Variants in PAN3 observed in about 807,000 individuals in gnomAD.
PAN3 encodes PAN2-PAN3 deadenylation complex subunit PAN3.
Under a neutral mutation model 96.2 loss-of-function variants are expected in PAN3, and 19 were observed. The observed-to-expected ratio is 0.20, with a 90% CI of 0.14 to 0.29. The LOEUF (loss-of-function observed/expected upper bound fraction) is 0.29. Among genes scored for constraint, PAN3 ranks in the 10% least tolerant of loss-of-function variants. The pLI is 1.00. For missense variants in PAN3, 882 were observed against 1,108.1 expected (o/e 0.80, Z 2.90); for synonymous variants, 433 against 406.6 (o/e 1.06, Z -0.78).
intron 1 of PAN3, among the ~76,000 whole-genome samples, chr13:28,170,634 C>T (rs1321913580): frequency 6.6e-6 from 1 of 151,994 alleles, no homozygotes; most frequent in African/African-American, 2.4e-5. Flanking sequence ...TTTGGAGTAA[C>T]CATTCTATTT....
At chr13:28,270,431 G>A (rs992521330) in intron 12 of PAN3, among the ~76,000 whole-genome samples, 1 of 152,120 alleles carries the variant, frequency 6.6e-6, no homozygotes, top group African/African-American at 2.4e-5. Flanking sequence ...CTTACTTTAA[G>A]TAATTTTTAT....
At chr13:28,237,696 T>C (rs1409289968) in intron 6 of PAN3, among the ~76,000 whole-genome samples, 1 of 152,214 alleles carries the variant, frequency 6.6e-6, no homozygotes, top group South Asian at 2.1e-4. Flanking sequence ...AGAATAATAA[T>C]TAACTTTGTA....
At chr13:28,260,393 G>A in intron 7 of PAN3, 54 bp from the exon 8 acceptor site, 1 of 1,399,160 alleles carries the variant, frequency 7.1e-7, no homozygotes, top group Non-Finnish European at 1.0e-6. Flanking sequence ...GACTCCATCT[G>A]AAAAAAAGAA....
At chr13:28,150,107 G>A (rs906819611) in intron 1 of PAN3, among the ~76,000 whole-genome samples, 2 of 152,038 alleles carry the variant, frequency 1.3e-5, no homozygotes, top group Admixed American at 1.3e-4. Flanking sequence ...TGAGAGATGA[G>A]ATCACGGTGA....
chr13:28,280,896 T>C (rs1254932975), intron 16 of PAN3, among the ~76,000 whole-genome samples: 1 of 152,198 alleles, frequency 6.6e-6, no homozygotes, highest in African/African-American at 2.4e-5. Flanking sequence ...TACACACAAC[T>C]TGCATCTGTG....
intron 14 of PAN3, among the ~76,000 whole-genome samples, chr13:28,273,377 A>T (rs7328561): frequency 6.6e-6 from 1 of 151,962 alleles, no homozygotes; most frequent in Non-Finnish European, 1.5e-5. Context: ...TGAGGTGGGC[A>T]GATCACTTGA....
intron 7 of PAN3, among the ~76,000 whole-genome samples, chr13:28,259,430 C>T (rs540871038): frequency 2.0e-5 from 3 of 151,628 alleles, no homozygotes; most frequent in Non-Finnish European, 4.4e-5. Flanking sequence ...CTCAACCTCC[C>T]GAGTAACTGG....
chr13:28,187,705 A>G (rs1876669343), intron 4 of PAN3, among the ~76,000 whole-genome samples: 1 of 152,116 alleles, frequency 6.6e-6, no homozygotes, highest in South Asian at 2.1e-4. Flanking sequence ...GTTTGATATA[A>G]TTTATTTTTC....
At chr13:28,251,875 G>GGTTGGTTT (rs1555288836) in intron 6 of PAN3, among the ~76,000 whole-genome samples, 2 of 150,232 alleles carry the variant, frequency 1.3e-5, no homozygotes, top group African/African-American at 4.9e-5. Flanking sequence ...TCTTGGGGTT[G>GGTTGGTTT]GTTTGTTTGT....
chr13:28,171,279 A>C (rs1049958648), intron 1 of PAN3, among the ~76,000 whole-genome samples: 1 of 138,700 alleles, frequency 7.2e-6, no homozygotes, highest in Admixed American at 6.9e-5. Flanking sequence ...CCTGTTTTCT[A>C]CTACACTCTC....
At chr13:28,270,225 G>A (rs1360654728) in intron 12 of PAN3, among the ~76,000 whole-genome samples, 1 of 152,110 alleles carries the variant, frequency 6.6e-6, no homozygotes, top group African/African-American at 2.4e-5. Flanking sequence ...TGGTAGAGGG[G>A]CCTGAGTGAT....
At chr13:28,166,193 A>G (rs991707959) in intron 1 of PAN3, among the ~76,000 whole-genome samples, 4 of 152,218 alleles carry the variant, frequency 2.6e-5, no homozygotes, top group African/African-American at 4.8e-5. Context: ...CTCTCCAGCT[A>G]TGAGCCTGTG....
At chr13:28,202,919 C>G (rs1878911319) in intron 5 of PAN3, among the ~76,000 whole-genome samples, 1 of 152,120 alleles carries the variant, frequency 6.6e-6, no homozygotes, top group African/African-American at 2.4e-5. Flanking sequence ...CAGTATTTTA[C>G]TTGTTTTTAA....
At chr13:28,201,474 A>G (rs567289972) in intron 5 of PAN3, among the ~76,000 whole-genome samples, 2 of 152,158 alleles carry the variant, frequency 1.3e-5, no homozygotes, top group South Asian at 4.2e-4. Flanking sequence ...TGAACCTGGG[A>G]GGTGGAGCTT....
chr13:28,290,955 T>TATTC (rs71086843), intron 18 of PAN3, among the ~76,000 whole-genome samples: 151,761 of 152,160 alleles, frequency 1, 75,682 homozygotes, highest in Non-Finnish European at 1. Context: ...ATTAGGATAA[T>TATTC]ATTAAATTCA....
At chr13:28,169,221 G>GTTTTTTT (rs1491548778) in intron 1 of PAN3, among the ~76,000 whole-genome samples, 2 of 108,628 alleles carry the variant, frequency 1.8e-5, no homozygotes, top group East Asian at 2.8e-4. Flanking sequence ...TTTTTTGTTT[G>GTTTTTTT]CTTTTTTTTT....
chr13:28,249,645 TCACCATGTTGA>T (rs1884533651), intron 6 of PAN3, among the ~76,000 whole-genome samples: 1 of 152,092 alleles, frequency 6.6e-6, no homozygotes, highest in Non-Finnish European at 1.5e-5. Context: ...AGACGGGGTT[TCACCATGTTGA>T]CCAGGCTGGT....
intron 1 of PAN3, 22 bp from the exon 2 acceptor site, chr13:28,174,250 T>C (rs187513814): frequency 6.2e-7 from 1 of 1,601,434 alleles, no homozygotes; most frequent in East Asian, 2.2e-5. Flanking sequence ...TTTTAAATAC[T>C]TGAATTTTCC....
At chr13:28,152,438 G>C (rs1408553848) in intron 1 of PAN3, among the ~76,000 whole-genome samples, 1 of 152,012 alleles carries the variant, frequency 6.6e-6, no homozygotes, top group Admixed American at 6.6e-5. Context: ...ACAAAAATTA[G>C]CTGGGCGTGA....
Sources: gnomAD v4.1 joint callset for allele counts (sites outside exome capture counted in the v4.1 genomes callset) on GRCh38, gnomAD v4.1.1 for gene constraint, MANE v1.5 for transcripts, NCBI Gene and HGNC (gene_info 2026-07-23, HGNC 2026-07-21) for gene names.